Variants in ZBTB8A observed in about 807,000 individuals in gnomAD.
ZBTB8A encodes zinc finger and BTB domain containing 8A.
ZBTB8A carries 19 observed loss-of-function variants against 37.8 expected under a neutral mutation model. The ratio of observed to expected loss-of-function variants is 0.50; its 90% CI spans 0.35 to 0.74. The LOEUF (loss-of-function observed/expected upper bound fraction) is 0.74, where lower values mean the gene tolerates loss of function less well. Ranked by LOEUF, ZBTB8A falls within the 30% of genes least tolerant of loss-of-function variation. The pLI is 0.01. For synonymous variants in ZBTB8A, 181 were observed against 185.2 expected, an observed-to-expected ratio of 0.98 and a Z score of 0.19; for missense variants, 394 against 537.8, an observed-to-expected ratio of 0.73 and a Z score of 2.65.
chr1:32,539,718 CCG>C (rs1297446156), intron 1 of ZBTB8A, 146 bp downstream of exon 1: 116 of 147,394 alleles, frequency 7.9e-4, no homozygotes, highest in South Asian at 9.1e-4. Context: ...CCAGACGTCC[CCG>C]GGCCGGGAGC....
At chr1:32,545,743 T>C (rs1012741334) in intron 1 of ZBTB8A, among the ~76,000 whole-genome samples, 2 of 152,194 alleles carry the variant, frequency 1.3e-5, no homozygotes, top group Non-Finnish European at 2.9e-5. Flanking sequence ...GCCTTCCCAT[T>C]TGGTGCTCTC....
At chr1:32,541,853 G>A (rs984643542) in intron 1 of ZBTB8A, among the ~76,000 whole-genome samples, 11 of 152,122 alleles carry the variant, frequency 7.2e-5, no homozygotes, top group African/African-American at 1.9e-4. Context: ...CGTTGCAATC[G>A]GGATGAAGTT....
chr1:32,557,531 G>A (rs1446881318), intron 2 of ZBTB8A, among the ~76,000 whole-genome samples: 4 of 152,030 alleles, frequency 2.6e-5, no homozygotes, highest in African/African-American at 9.7e-5. Context: ...GGCATAATCC[G>A]AACTCGCTGC....
chr1:32,563,806 G>A (rs771110328), intron 2 of ZBTB8A, among the ~76,000 whole-genome samples: 1 of 152,016 alleles, frequency 6.6e-6, no homozygotes, highest in Non-Finnish European at 1.5e-5. Flanking sequence ...TTTTAGACAG[G>A]CTCTTCTTCC....
Position 32,541,471 on chromosome 1 carries a change from G to A in ZBTB8A, c.-84+1899G>A, listed in dbSNP as rs150397997. ...TACCCAAATGCCATCTTCTCAATGA[G>A]GCTTTCCTCAACTATAGTTTTGATT... On this transcript the variant is annotated intron_variant, in intron 1 of 4. Coordinates refer to ENST00000373510, the MANE Select transcript of ZBTB8A (RefSeq NM_001040441.3). Among the ~76,000 whole-genome samples, 4 of 152,202 alleles carry A rather than the reference G, an allele frequency of 2.6e-5. No individual in the cohort carries two copies. The East Asian group carries it at 7.7e-4, about 29-fold the overall frequency.
In ZBTB8A at chr1:32,597,038, G is replaced by A. The variant is rs569098683; in HGVS notation, c.993+1815G>A. On this transcript the variant is annotated intron_variant, in intron 4 of 4. Coordinates refer to ENST00000373510, the MANE Select transcript of ZBTB8A (RefSeq NM_001040441.3). Reference sequence around the variant, plus strand: ...CTTTTTTTTTTTGAGACAGAGTCTCGCTCTGTTGCCCAGGCTGGAGTGTAA... The same window carrying A: ...CTTTTTTTTTTTGAGACAGAGTCTCACTCTGTTGCCCAGGCTGGAGTGTAA... Among the ~76,000 whole-genome samples the A allele has an allele frequency of 3.2e-4, 48 of 151,462 alleles. 1 individual carries two copies. The South Asian group carries it at 8.8e-3, about 28-fold the overall frequency.
chr1:32,565,000 T>C (rs992935694), intron 2 of ZBTB8A, among the ~76,000 whole-genome samples: 15 of 152,290 alleles, frequency 9.8e-5, no homozygotes, highest in African/African-American at 3.6e-4. Context: ...TTTGGCCCAG[T>C]GTTTCTCAAA....
Position 32,600,502 on chromosome 1 carries a change from G to T in ZBTB8A, c.*83G>T. 9.4e-7 allele frequency: 1 copy of T among 1,069,512 alleles called. No homozygotes were observed. Among genetic ancestry groups the T allele is most frequent in the Non-Finnish European group, 1.3e-6 (1 of 741,424 alleles). The allele number at this position is 1,069,512 out of a possible 1,614,324, so 66.3% of individuals were successfully genotyped here. On this transcript the variant is annotated 3_prime_UTR_variant, in exon 5 of 5. Coordinates refer to ENST00000373510, the MANE Select transcript of ZBTB8A (RefSeq NM_001040441.3). ...TCTCTCTTTCTATGGTCGGAGTCTA[G>T]TTAACAAATTTATCACACTGACTTT...
intron 1 of ZBTB8A, among the ~76,000 whole-genome samples, chr1:32,541,383 T>C (rs913188479): frequency 2.0e-5 from 3 of 152,096 alleles, no homozygotes; most frequent in Non-Finnish European, 4.4e-5. Flanking sequence ...CACTTGCCGT[T>C]CCCTTTGCCT....
rs191505684 is a variant in ZBTB8A at position 32,581,931 on chromosome 1, C to G, written c.-1-11000C>G. Among the ~76,000 whole-genome samples the G allele has an allele frequency of 3.0e-3, 456 of 152,140 alleles. 2 individuals are homozygous for G. Among genetic ancestry groups the G allele is most frequent in the African/African-American group, 0.01 (433 of 41,512 alleles). On this transcript the variant is annotated intron_variant, in intron 2 of 4. Coordinates refer to ENST00000373510, the MANE Select transcript of ZBTB8A (RefSeq NM_001040441.3). ...CTCACTGTAATGAGAATAGCATGGG[C>G]GGAGCTGCTCCTATCATTCAGTTAC...
At chr1:32,560,929 C>T (rs1454886858) in intron 2 of ZBTB8A, among the ~76,000 whole-genome samples, 1 of 151,912 alleles carries the variant, frequency 6.6e-6, no homozygotes, top group African/African-American at 2.4e-5. Context: ...CCCAGCCCAA[C>T]CTCTTCCATT....
At chr1:32,584,905 A>G (rs1462676851) in intron 2 of ZBTB8A, among the ~76,000 whole-genome samples, 1 of 151,968 alleles carries the variant, frequency 6.6e-6, no homozygotes, top group Admixed American at 6.6e-5. Flanking sequence ...TCCACACTTT[A>G]TGGGAGATCC....
chr1:32,550,281 G>A (rs1381925925), intron 1 of ZBTB8A, among the ~76,000 whole-genome samples: 1 of 152,084 alleles, frequency 6.6e-6, no homozygotes, highest in African/African-American at 2.4e-5. Flanking sequence ...CATTCCATCA[G>A]CATGTAAAAA....
chr1:32,574,030 C>G (rs985528671), intron 2 of ZBTB8A, among the ~76,000 whole-genome samples: 1 of 151,520 alleles, frequency 6.6e-6, no homozygotes, highest in Non-Finnish European at 1.5e-5. Context: ...GAGCTGAGAT[C>G]GCACCATTGC....
At position 32,566,301 on chromosome 1, in the gene ZBTB8A, C is replaced by T. The variant is rs530505445; in HGVS notation, c.-2+12761C>T. On this transcript the variant is annotated intron_variant, in intron 2 of 4. Coordinates refer to ENST00000373510, the MANE Select transcript of ZBTB8A (RefSeq NM_001040441.3). The stretch of plus-strand genomic sequence containing the variant: ...GGCCAAGGTAGTTGGATCACTTGAG[C>T]CCAGAGGTTTGAGACCAGCATAGGC... Among the ~76,000 whole-genome samples, 3 of 151,974 alleles carry T rather than the reference C, an allele frequency of 2.0e-5. No homozygotes were observed. In the East Asian group the frequency reaches 5.8e-4, roughly 29 times the overall value.
At chr1:32,558,765 A>G (rs1249792486) in intron 2 of ZBTB8A, among the ~76,000 whole-genome samples, 1 of 152,184 alleles carries the variant, frequency 6.6e-6, no homozygotes, top group African/African-American at 2.4e-5. Context: ...AAAAGGCTGC[A>G]ATAAGAAGTT....
At chr1:32,540,974 G>T (rs1479559154) in intron 1 of ZBTB8A, among the ~76,000 whole-genome samples, 1 of 152,220 alleles carries the variant, frequency 6.6e-6, no homozygotes, top group Admixed American at 6.5e-5. Flanking sequence ...TTATCTCCTA[G>T]CCCTGAAATC....
chr1:32,599,967 A>G, intron 4 of ZBTB8A, 120 bp from the exon 5 acceptor site: 3 of 713,024 alleles, frequency 4.2e-6, no homozygotes, highest in Non-Finnish European at 6.8e-6. Flanking sequence ...TAAATAATAG[A>G]TGTTAATTTG....
intron 1 of ZBTB8A, among the ~76,000 whole-genome samples, chr1:32,548,744 A>C (rs546428787): frequency 1.0e-3 from 159 of 152,354 alleles, no homozygotes; most frequent in Non-Finnish European, 1.7e-3. Flanking sequence ...TAATAATAAT[A>C]ATAGCTGACA....
Sources: gnomAD v4.1 joint callset for allele counts (sites outside exome capture counted in the v4.1 genomes callset) on GRCh38, gnomAD v4.1.1 for gene constraint, MANE v1.5 for transcripts, NCBI Gene and HGNC (gene_info 2026-07-23, HGNC 2026-07-21) for gene names.